MED12L: variants seen among roughly 807,000 people sequenced by gnomAD.
MED12L encodes mediator complex subunit 12L, also known as mediator of RNA polymerase II transcription subunit 12-like protein.
A neutral mutation model predicts 281.3 loss-of-function variants in MED12L; 60 were observed. The ratio of observed to expected loss-of-function variants is 0.21; its 90% CI spans 0.17 to 0.26. MED12L has a LOEUF of 0.26. MED12L is among the 10% of genes least tolerant of loss of function. MED12L has a pLI of 1.00. For synonymous variants in MED12L, 974 were observed against 987.2 expected (o/e 0.99, Z 0.25); for missense variants, 2,146 against 2,680.9 (o/e 0.80, Z 4.41).
intron 36 of MED12L, among the ~76,000 whole-genome samples, chr3:151,386,602 A>G (rs1341714155): frequency 1.4e-5 from 2 of 144,598 alleles, no homozygotes; most frequent in Non-Finnish European, 3.0e-5. Context: ...TTCAAGACAG[A>G]GTCTTGCTCT....
intron 16 of MED12L, among the ~76,000 whole-genome samples, chr3:151,240,097 C>T (rs574692108): frequency 1.3e-5 from 2 of 151,834 alleles, no homozygotes; most frequent in African/African-American, 4.8e-5. Flanking sequence ...AGCCCCTGAC[C>T]TGTAATTCCA....
intron 20 of MED12L, among the ~76,000 whole-genome samples, chr3:151,358,588 A>C (rs557694014): frequency 6.7e-6 from 1 of 149,134 alleles, no homozygotes; most frequent in South Asian, 2.1e-4. Flanking sequence ...TTTTGTTTTT[A>C]ATATTGTTAT....
chr3:151,203,171 G>A (rs961986483), intron 16 of MED12L: 7 of 152,174 alleles, frequency 4.6e-5, no homozygotes, highest in Non-Finnish European at 7.4e-5. Context: ...GAGCTGTTTG[G>A]TTAGCCGCAG....
intron 11 of MED12L, among the ~76,000 whole-genome samples, chr3:151,175,837 T>C (rs1314277586): frequency 1.3e-5 from 2 of 152,228 alleles, no homozygotes; most frequent in African/African-American, 4.8e-5. Context: ...TAGATGAAGA[T>C]AACATCATTA....
chr3:151,262,469 G>A (rs1469255542), intron 16 of MED12L, among the ~76,000 whole-genome samples: 1 of 152,220 alleles, frequency 6.6e-6, no homozygotes, highest in Non-Finnish European at 1.5e-5. Flanking sequence ...GCTGGCAACA[G>A]TGGGTGCCTG....
intron 16 of MED12L, among the ~76,000 whole-genome samples, chr3:151,324,644 A>G (rs1049706410): frequency 1.3e-5 from 2 of 152,140 alleles, no homozygotes; most frequent in Admixed American, 6.6e-5. Flanking sequence ...GATAATAAGC[A>G]TTTCATAGCC....
intron 2 of MED12L, among the ~76,000 whole-genome samples, chr3:151,090,664 G>A (rs528108358): frequency 1.6e-4 from 24 of 152,344 alleles, no homozygotes; most frequent in African/African-American, 5.3e-4. Flanking sequence ...GCATCTATCT[G>A]CTTTGGAGCC....
chr3:151,174,239 G>A (rs1368655337), intron 11 of MED12L, among the ~76,000 whole-genome samples: 1 of 152,162 alleles, frequency 6.6e-6, no homozygotes, highest in Non-Finnish European at 1.5e-5. Flanking sequence ...TTAAATATGA[G>A]AGACATGTAC....
At position 151,284,090 on chromosome 3, in the gene MED12L, C is replaced by T. The variant is rs148658097; in HGVS notation, c.2251-65969C>T. ...ACTTAATGAATGTAAGAACATACTT[C>T]GTTTTTGTCAGATAAACTTTCCCAC... On this transcript the variant is annotated intron_variant, in intron 16 of 44. Coordinates refer to ENST00000687756, the MANE Select transcript of MED12L (RefSeq NM_001393769.1). Among the ~76,000 whole-genome samples, 36 of 152,306 alleles carry T rather than the reference C, an allele frequency of 2.4e-4. No homozygotes were observed. The East Asian group carries it at 5.8e-3, about 24-fold the overall frequency.
chr3:151,333,674 G>C (rs1750606663), intron 16 of MED12L, among the ~76,000 whole-genome samples: 1 of 152,140 alleles, frequency 6.6e-6, no homozygotes, highest in South Asian at 2.1e-4. Flanking sequence ...AAGTTTCCTA[G>C]AAGAAGGATT....
intron 16 of MED12L, among the ~76,000 whole-genome samples, chr3:151,204,211 T>A (rs973306523): frequency 2.0e-5 from 3 of 152,216 alleles, no homozygotes; most frequent in Non-Finnish European, 4.4e-5. Context: ...TTTCTTTTAA[T>A]AATACTTGGT....
rs773934383 is a variant in MED12L at position 151,416,314 on chromosome 3, G to GCAGCAGCCC, written c.6314_6322dup (p.Gln2105_Gln2107dup). Reference sequence around the variant, plus strand: ...TAACATTTTTACCCTCTTTCCAGATGCAGCAGCCCCAGCAGCCCCAGCCCC... The same window carrying GCAGCAGCCC: ...TAACATTTTTACCCTCTTTCCAGATGCAGCAGCCCCAGCAGCCCCAGCAGCCCCAGCCCC... On this transcript the variant is annotated inframe_insertion, in exon 43 of 45. Transcript: ENST00000687756. 8 of 1,613,034 alleles carry GCAGCAGCCC rather than the reference G, an allele frequency of 5.0e-6. No homozygotes were observed. The highest frequency in any genetic ancestry group is 1.7e-5 in the Admixed American group (1 of 60,004).
intron 5 of MED12L, among the ~76,000 whole-genome samples, chr3:151,144,251 A>G (rs1168645072): frequency 1.3e-5 from 2 of 152,128 alleles, no homozygotes; most frequent in Non-Finnish European, 2.9e-5. Flanking sequence ...GTTGATAGGG[A>G]AAAAGGACAA....
rs1754058861 is a variant in MED12L, at chr3:151,357,383, A to G, written c.2825+7A>G. The G allele has an allele frequency of 6.4e-6, 10 of 1,571,162 alleles. No individual in the cohort carries two copies. The highest frequency in any genetic ancestry group is 1.2e-5 in the South Asian group (1 of 85,086). On this transcript the variant is annotated splice_region_variant and intron_variant, in intron 20 of 44. Transcript: ENST00000687756. ...CAGCCCAGGTGTTTGAAGGGTTGGTATATAGCATGTCATTGTTGTTTTTCC... is the reference window on the plus strand; with the variant it reads ...CAGCCCAGGTGTTTGAAGGGTTGGTGTATAGCATGTCATTGTTGTTTTTCC...
intron 43 of MED12L, among the ~76,000 whole-genome samples, chr3:151,426,193 G>A (rs1448353133): frequency 6.6e-6 from 1 of 152,194 alleles, no homozygotes; most frequent in South Asian, 2.1e-4. Flanking sequence ...CCACTTGGGG[G>A]AGCCATTTTA....
intron 16 of MED12L, among the ~76,000 whole-genome samples, chr3:151,304,773 T>C (rs1440546945): frequency 6.6e-6 from 1 of 152,132 alleles, no homozygotes; most frequent in Non-Finnish European, 1.5e-5. Context: ...TCATCCATTA[T>C]AGGTTGACTG....
At chr3:151,346,001 G>A (rs1752490944) in intron 16 of MED12L, among the ~76,000 whole-genome samples, 1 of 152,124 alleles carries the variant, frequency 6.6e-6, no homozygotes, top group Admixed American at 6.5e-5. Context: ...TAGAGGTTGA[G>A]CAGTGATTCT....
intron 16 of MED12L, among the ~76,000 whole-genome samples, chr3:151,293,126 C>G (rs1744484999): frequency 6.6e-6 from 1 of 152,170 alleles, no homozygotes; most frequent in Admixed American, 6.5e-5. Flanking sequence ...GAGTAAGACA[C>G]TAGACACTTA....
chr3:151,379,557 G>T (rs572788163), intron 31 of MED12L, among the ~76,000 whole-genome samples: 2 of 152,316 alleles, frequency 1.3e-5, no homozygotes, highest in African/African-American at 2.4e-5. Context: ...CACACTAGGG[G>T]TCGCCAGCAA....
Sources: gnomAD v4.1 joint callset for allele counts (sites outside exome capture counted in the v4.1 genomes callset) on GRCh38, gnomAD v4.1.1 for gene constraint, MANE v1.5 for transcripts, NCBI Gene and HGNC (gene_info 2026-07-23, HGNC 2026-07-21) for gene names.